LRRC7: variants seen among roughly 807,000 people sequenced by gnomAD.
LRRC7 encodes the protein leucine-rich repeat-containing protein 7.
A neutral mutation model predicts 175.7 loss-of-function variants in LRRC7; 23 were observed. The observed-to-expected ratio is 0.13, with a 90% CI of 0.09 to 0.19. The LOEUF (loss-of-function observed/expected upper bound fraction) is 0.19, where lower values mean the gene tolerates loss of function less well. Among genes scored for constraint, LRRC7 ranks in the 10% least tolerant of loss-of-function variants. The pLI is 1.00. For missense variants in LRRC7, 1,354 were observed against 1,904.7 expected (o/e 0.71, Z 5.38); for synonymous variants, 685 against 680.9 (o/e 1.01, Z -0.09).
At chr1:69,858,444 C>A (rs1683974081) in intron 7 of LRRC7, among the ~76,000 whole-genome samples, 1 of 152,000 alleles carries the variant, frequency 6.6e-6, no homozygotes. Context: ...TACCCTAGAA[C>A]TTATAGTATA....
At chr1:69,644,015 AGTTAATGCAAT>A in intron 1 of LRRC7, among the ~76,000 whole-genome samples, 1 of 152,310 alleles carries the variant, frequency 6.6e-6, no homozygotes, top group East Asian at 1.9e-4. Context: ...TGTGGGATGC[AGTTAATGCAAT>A]GCTTGGCAAA....
At chr1:70,076,351 G>A in intron 24 of LRRC7, 53 bp downstream of exon 24, 1 of 1,546,266 alleles carries the variant, frequency 6.5e-7, no homozygotes, top group South Asian at 1.1e-5. Flanking sequence ...AAAGTCCAAA[G>A]AATCCATGGT....
At chr1:69,912,861 C>G (rs952804783) in intron 7 of LRRC7, among the ~76,000 whole-genome samples, 1 of 152,148 alleles carries the variant, frequency 6.6e-6, no homozygotes, top group African/African-American at 2.4e-5. Flanking sequence ...TACAATTTTA[C>G]AACTTAATCT....
At chr1:69,734,437 C>A (rs1667899354) in intron 2 of LRRC7, among the ~76,000 whole-genome samples, 1 of 151,662 alleles carries the variant, frequency 6.6e-6, no homozygotes, top group Admixed American at 6.6e-5. Flanking sequence ...TTTACATGAC[C>A]ATTATTTCTG....
intron 3 of LRRC7, among the ~76,000 whole-genome samples, chr1:69,777,683 A>G (rs539091962): frequency 6.6e-6 from 1 of 152,196 alleles, no homozygotes; most frequent in South Asian, 2.1e-4. Context: ...TACTCTTTCT[A>G]TTTGTTCAGC....
intron 7 of LRRC7, among the ~76,000 whole-genome samples, chr1:69,925,477 A>G (rs1013766591): frequency 6.6e-6 from 1 of 152,124 alleles, no homozygotes; most frequent in African/African-American, 2.4e-5. Context: ...ACAATTTCAG[A>G]GGCTGTTATT....
chr1:70,117,852 A>C (rs1558083186), intron 26 of LRRC7, among the ~76,000 whole-genome samples: 2 of 152,192 alleles, frequency 1.3e-5, no homozygotes, highest in Admixed American at 6.5e-5. Flanking sequence ...TAAAACATAT[A>C]GGTAGCCAAA....
At chr1:69,943,856 C>G (rs147439302) in intron 8 of LRRC7, among the ~76,000 whole-genome samples, 4 of 150,834 alleles carry the variant, frequency 2.7e-5, no homozygotes, top group African/African-American at 9.7e-5. Context: ...GATTTGAGAC[C>G]TAAGCAACTT....
intron 7 of LRRC7, among the ~76,000 whole-genome samples, chr1:69,862,701 T>A (rs1684484440): frequency 6.6e-6 from 1 of 152,186 alleles, no homozygotes; most frequent in Non-Finnish European, 1.5e-5. Context: ...ATTGTTCATA[T>A]CTTTTTTTAT....
At chr1:69,626,416 A>T (rs1308538333) in intron 1 of LRRC7, among the ~76,000 whole-genome samples, 1 of 151,106 alleles carries the variant, frequency 6.6e-6, no homozygotes, top group Non-Finnish European at 1.5e-5. Flanking sequence ...CCAGATTTTT[A>T]AATCTATTTT....
At chr1:69,872,038 T>C (rs1262016616) in intron 7 of LRRC7, among the ~76,000 whole-genome samples, 2 of 152,002 alleles carry the variant, frequency 1.3e-5, no homozygotes, top group Non-Finnish European at 2.9e-5. Context: ...TGAAACATTA[T>C]ATTTTCATTT....
chr1:70,053,437 GTGACATAC>G lies in LRRC7; in HGVS notation c.4230+294_4230+301del, dbSNP rs1660896560. Among the ~76,000 whole-genome samples the G allele has an allele frequency of 2.0e-5, 3 of 152,234 alleles. No homozygotes were observed. In the South Asian group the frequency reaches 6.2e-4, roughly 32 times the overall value. On this transcript the variant is annotated intron_variant, in intron 23 of 26. Coordinates refer to ENST00000651989, the MANE Select transcript of LRRC7 (RefSeq NM_001370785.2). ...TTGAAAGGCACATATAGAATGATATGTGACATACTTCCGACTCTCTTGGCTTTAACAGT... is the reference window on the plus strand; with the variant it reads ...TTGAAAGGCACATATAGAATGATATGTTCCGACTCTCTTGGCTTTAACAGT...
At chr1:69,926,076 A>G (rs1046780751) in intron 7 of LRRC7, among the ~76,000 whole-genome samples, 16 of 151,866 alleles carry the variant, frequency 1.1e-4, no homozygotes, top group African/African-American at 3.9e-4. Context: ...GTTATTCAGG[A>G]GCAGGTTGTT....
intron 7 of LRRC7, among the ~76,000 whole-genome samples, chr1:69,866,619 A>G (rs1471349454): frequency 6.6e-6 from 1 of 152,238 alleles, no homozygotes; most frequent in African/African-American, 2.4e-5. Flanking sequence ...TGAAAGCATC[A>G]GAACATTCTT....
chr1:69,805,449 T>C (rs1048929024), intron 4 of LRRC7, among the ~76,000 whole-genome samples: 1 of 151,870 alleles, frequency 6.6e-6, no homozygotes, highest in Non-Finnish European at 1.5e-5. Context: ...TTGTTCTCAA[T>C]AAGCAATAAA....
intron 14 of LRRC7, among the ~76,000 whole-genome samples, chr1:70,018,246 G>T (rs1657135277): frequency 6.6e-6 from 1 of 151,928 alleles, no homozygotes; most frequent in African/African-American, 2.4e-5. Flanking sequence ...CTATAAAGTG[G>T]ACCCTGTCTT....
At chr1:70,059,426 A>G (rs1050936619) in intron 23 of LRRC7, among the ~76,000 whole-genome samples, 1 of 151,468 alleles carries the variant, frequency 6.6e-6, no homozygotes, top group African/African-American at 2.4e-5. Flanking sequence ...CAGGATTGTC[A>G]TCTCTGAGAC....
rs532556683 is a variant in LRRC7 at position 69,775,692 on chromosome 1, G to A, written c.303+15299G>A. On this transcript the variant is annotated intron_variant, in intron 3 of 26. Transcript: ENST00000651989. ...ATCTACTATAGCAAATATGTACTGCGTCTTTCTATAATGACAATTAATTAA... is the reference window on the plus strand; with the variant it reads ...ATCTACTATAGCAAATATGTACTGCATCTTTCTATAATGACAATTAATTAA... Among the ~76,000 whole-genome samples the A allele has an allele frequency of 2.6e-3, 396 of 152,238 alleles. 3 individuals are homozygous for A. Among genetic ancestry groups the A allele is most frequent in the African/African-American group, 8.6e-3 (359 of 41,536 alleles).
intron 7 of LRRC7, among the ~76,000 whole-genome samples, chr1:69,872,678 CA>C (rs1685672232): frequency 6.6e-6 from 1 of 151,964 alleles, no homozygotes. Flanking sequence ...CACATATTTT[CA>C]TTAAAACATG....
Sources: allele counts gnomAD v4.1 joint callset (sites outside exome capture counted in the v4.1 genomes callset), GRCh38; gene constraint gnomAD v4.1.1; transcripts MANE v1.5; gene names NCBI Gene and HGNC (gene_info 2026-07-23, HGNC 2026-07-21).